Variants in PCDHGA8 observed in about 807,000 individuals in gnomAD.
The protein encoded by PCDHGA8 is protocadherin gamma subfamily A, 8.
A neutral mutation model predicts 59.2 loss-of-function variants in PCDHGA8; 45 were observed. The observed-to-expected ratio is 0.76, with a 90% confidence interval of 0.60 to 0.98. The LOEUF (loss-of-function observed/expected upper bound fraction) is 0.98. Among genes scored for constraint, PCDHGA8 ranks in the 50% least tolerant of loss-of-function variants. PCDHGA8 has a pLI of 0.00. For synonymous variants in PCDHGA8, 531 were observed against 519.0 expected, an observed-to-expected ratio of 1.02 and a Z score of -0.32; for missense variants, 1,257 against 1,196.2, an observed-to-expected ratio of 1.05 and a Z score of -0.75.
Position 141,431,325 on chromosome 5 carries a change from G to GT in PCDHGA8, c.2424+36089dup, listed in dbSNP as rs1340996903. On this transcript the variant is annotated intron_variant, in intron 1 of 3. Transcript: ENST00000398604. This position sits in a 1 kb window ranked among gnomAD's most constrained non-coding sequence, Gnocchi z 4.8. ...ATCGTGCAAAATGGAGCCGACGGTA[G>GT]TAAGTACCCCGAATTGGTGCTGAAA... 22 of 1,614,028 alleles carry GT rather than the reference G, an allele frequency of 1.4e-5. No homozygotes were observed. In the Admixed American group the frequency reaches 2.5e-4, roughly 18 times the overall value.
At chr5:141,411,250 T>C (rs1009574489) in intron 1 of PCDHGA8, 1 of 152,156 alleles carries the variant, frequency 6.6e-6, no homozygotes, top group African/African-American at 2.4e-5. Context: ...ATTTACGATA[T>C]CTTATTTATA....
At chr5:141,421,173 C>A in intron 1 of PCDHGA8, 2 of 1,377,172 alleles carry the variant, frequency 1.5e-6, no homozygotes, top group Non-Finnish European at 9.7e-7. Context: ...GATACATAAG[C>A]CGATTCACAA....
rs750401937 is a variant in PCDHGA8 at position 141,487,357 on chromosome 5, T to G, written c.2425-7450T>G. 5.0e-6 allele frequency: 8 copies of G among 1,614,212 alleles called. No homozygotes were observed. The highest frequency in any genetic ancestry group is 6.8e-6 in the Non-Finnish European group (8 of 1,180,032). ...CCTGTGGAGTCACATGCTTTCCTGC[T>G]GGCACCTGTGCCTGTCTCACCAGAT... On this transcript the variant is annotated intron_variant, in intron 1 of 3. Transcript: ENST00000398604. This position sits in a 1 kb window ranked among gnomAD's most constrained non-coding sequence, Gnocchi z 5.0.
rs1190445239 is a variant in PCDHGA8 at position 141,431,331 on chromosome 5, A to T, written c.2424+36094A>T. 1 of 1,614,062 alleles carries T rather than the reference A, an allele frequency of 6.2e-7. No individual in the cohort carries two copies. The highest frequency in any genetic ancestry group is 1.7e-5 in the Admixed American group (1 of 60,026). On this transcript the variant is annotated intron_variant, in intron 1 of 3. Coordinates refer to ENST00000398604, the MANE Select transcript of PCDHGA8 (RefSeq NM_032088.2). The surrounding 1 kb of genome is among the most constrained non-coding windows in gnomAD (Gnocchi z 4.8). ...CAAAATGGAGCCGACGGTAGTAAGT[A>T]CCCCGAATTGGTGCTGAAACGCGCC...
chr5:141,491,168 A>G lies in PCDHGA8; in HGVS notation c.2425-3639A>G. On this transcript the variant is annotated intron_variant, in intron 1 of 3. Coordinates refer to ENST00000398604, the MANE Select transcript of PCDHGA8 (RefSeq NM_032088.2). The surrounding 1 kb of genome is among the most constrained non-coding windows in gnomAD (Gnocchi z 6.9). Reference sequence around the variant, plus strand: ...CTGGAGGATGACTCTGACACCCAGCAGGTGGTGGTCCTGGTGAGGGACAAT... The same window carrying G: ...CTGGAGGATGACTCTGACACCCAGCGGGTGGTGGTCCTGGTGAGGGACAAT... 2 of 1,614,160 alleles carry G rather than the reference A, an allele frequency of 1.2e-6. No homozygotes were observed.
chr5:141,490,061 A>G lies in PCDHGA8; in HGVS notation c.2425-4746A>G, dbSNP rs1562135413. On this transcript the variant is annotated intron_variant, in intron 1 of 3. Transcript: ENST00000398604. This position sits in a 1 kb window ranked among gnomAD's most constrained non-coding sequence, Gnocchi z 5.4. Reference sequence around the variant, plus strand: ...GCCACTGATCCAGACGAGGGCACCAACGGCCAACTAGACTATTCTTTTGGA... The same window carrying G: ...GCCACTGATCCAGACGAGGGCACCAGCGGCCAACTAGACTATTCTTTTGGA... 1.2e-6 allele frequency: 2 copies of G among 1,614,214 alleles called. No individual in the cohort carries two copies. Among genetic ancestry groups the G allele is most frequent in the East Asian group, 2.2e-5 (1 of 44,884 alleles).
At chr5:141,428,102 G>T (rs774075619) in intron 1 of PCDHGA8, 38 of 1,608,516 alleles carry the variant, frequency 2.4e-5, no homozygotes, top group Non-Finnish European at 3.2e-5. Flanking sequence ...CCTACCACGT[G>T]CTGCAGGCCA....
chr5:141,478,106 G>A (rs1474192496), intron 1 of PCDHGA8: 1 of 1,613,928 alleles, frequency 6.2e-7, no homozygotes, highest in Non-Finnish European at 8.5e-7. Context: ...TACCCTCACT[G>A]TGTCAGTAAC....
intron 1 of PCDHGA8, among the ~76,000 whole-genome samples, chr5:141,447,747 C>A (rs1164160677): frequency 2.0e-5 from 3 of 152,106 alleles, no homozygotes; most frequent in Non-Finnish European, 4.4e-5. Flanking sequence ...AAGAGTCTTG[C>A]ATGTGACTGT....
intron 1 of PCDHGA8, chr5:141,418,431 A>T (rs751083183): frequency 1.9e-6 from 3 of 1,614,000 alleles, no homozygotes; most frequent in East Asian, 2.2e-5. Flanking sequence ...GGTGGCAAAT[A>T]TCCAGAATTA....
chr5:141,405,638 CT>C lies in PCDHGA8; in HGVS notation c.2424+10402del. ...TACAGGCACGTGCCACCACGCCCGG[CT>C]AATTTTTTGTGTGTTTTTAGTAGAG... is the stretch of plus-strand genomic sequence containing the variant. On this transcript the variant is annotated intron_variant, in intron 1 of 3. Coordinates refer to ENST00000398604, the MANE Select transcript of PCDHGA8 (RefSeq NM_032088.2). 3 of 528,680 alleles carry C rather than the reference CT, an allele frequency of 5.7e-6. No individual in the cohort carries two copies. The East Asian group carries it at 9.4e-5, about 17-fold the overall frequency. 32.7% of individuals were successfully genotyped at this position (528,680 alleles called of 1,614,324 possible).
intron 1 of PCDHGA8, chr5:141,405,157 G>T: frequency 6.2e-7 from 1 of 1,614,072 alleles, no homozygotes. Context: ...TGGCTGGTGT[G>T]CCCACCTCAC....
chr5:141,420,744 C>T (rs1202150921), intron 1 of PCDHGA8, among the ~76,000 whole-genome samples: 8 of 152,194 alleles, frequency 5.3e-5, no homozygotes, highest in Admixed American at 5.2e-4. Context: ...TCAATTGGAA[C>T]CAACTACAAC....
At chr5:141,426,048 A>G (rs2096911760) in intron 1 of PCDHGA8, among the ~76,000 whole-genome samples, 1 of 152,182 alleles carries the variant, frequency 6.6e-6, no homozygotes, top group Non-Finnish European at 1.5e-5. Context: ...CTGTTGGCCA[A>G]TGTGCTGCAA....
Position 141,487,665 on chromosome 5 carries a change from G to T in PCDHGA8, c.2425-7142G>T, listed in dbSNP as rs373971935. 8.7e-5 allele frequency: 141 copies of T among 1,612,724 alleles called. No individual in the cohort carries two copies. The highest frequency in any genetic ancestry group is 1.1e-4 in the Non-Finnish European group (135 of 1,179,392). On this transcript the variant is annotated intron_variant, in intron 1 of 3. Coordinates refer to ENST00000398604, the MANE Select transcript of PCDHGA8 (RefSeq NM_032088.2). The surrounding 1 kb of genome is among the most constrained non-coding windows in gnomAD (Gnocchi z 5.0). ...ATGCTTGAGGGTTATTCTGATCCAG[G>T]CATATGGCTAGGCCATGTCCTAGAG...
chr5:141,484,697 T>C (rs746981788), intron 1 of PCDHGA8, among the ~76,000 whole-genome samples: 11 of 151,988 alleles, frequency 7.2e-5, no homozygotes, highest in Non-Finnish European at 1.3e-4. Context: ...AGGCTGTGGC[T>C]GTTTTCCCCG....
At chr5:141,414,099 A>C in intron 1 of PCDHGA8, 3 of 1,593,504 alleles carry the variant, frequency 1.9e-6, no homozygotes, top group Non-Finnish European at 8.5e-7. Flanking sequence ...TAAAAATATC[A>C]GAAAATCTAG....
chr5:141,418,419 A>G (rs1181055959), intron 1 of PCDHGA8: 1 of 1,613,900 alleles, frequency 6.2e-7, no homozygotes, highest in Non-Finnish European at 8.5e-7. Flanking sequence ...GACAATCCTG[A>G]TGGTGGCAAA....
chr5:141,442,135 G>C lies in PCDHGA8; in HGVS notation c.2424+46898G>C, dbSNP rs868124128. 8 of 164,066 alleles carry C rather than the reference G, an allele frequency of 4.9e-5. 1 individual carries two copies. The highest frequency in any genetic ancestry group is 2.8e-4 in the South Asian group (2 of 7,026). 10.2% of individuals were successfully genotyped at this position (164,066 alleles called of 1,614,324 possible). On this transcript the variant is annotated intron_variant, in intron 1 of 3. Transcript: ENST00000398604. ...CCCTCGTCGCCGACAGCCTGCAGGA[G>C]ACTCTGCCAGACCTCAGCGATCACT...
Sources: allele counts gnomAD v4.1 joint callset (sites outside exome capture counted in the v4.1 genomes callset), GRCh38; gene constraint gnomAD v4.1.1; non-coding constraint Gnocchi (gnomAD v3.1); transcripts MANE v1.5; gene names NCBI Gene and HGNC (gene_info 2026-07-23, HGNC 2026-07-21).